THRB: variants seen among roughly 807,000 people sequenced by gnomAD.
THRB encodes the protein thyroid hormone receptor beta, also known as nuclear receptor subfamily 1 group A member 2.
In THRB, 12 loss-of-function variants were observed where a neutral mutation model predicts 47.8. The observed-to-expected ratio is 0.25, with a 90% CI of 0.16 to 0.41. The LOEUF (loss-of-function observed/expected upper bound fraction) is 0.41. THRB is among the 10% of genes least tolerant of loss of function. The pLI is 1.00. For synonymous variants in THRB, 218 were observed against 212.2 expected (o/e 1.03, Z -0.24); for missense variants, 348 against 589.2 (o/e 0.59, Z 4.24).
chr3:24,451,105 T>C (rs763051771), intron 1 of THRB, among the ~76,000 whole-genome samples: 1 of 152,276 alleles, frequency 6.6e-6, no homozygotes, highest in East Asian at 1.9e-4. Flanking sequence ...ATATGAGCTA[T>C]GACAAGTCTA....
chr3:24,193,086 C>G (rs2043544303), intron 4 of THRB, among the ~76,000 whole-genome samples: 1 of 152,172 alleles, frequency 6.6e-6, no homozygotes, highest in Admixed American at 6.5e-5. Flanking sequence ...TTGAATTCTA[C>G]CTACTGGATA....
intron 1 of THRB, among the ~76,000 whole-genome samples, chr3:24,403,783 G>C (rs1367985937): frequency 6.6e-6 from 1 of 152,006 alleles, no homozygotes; most frequent in African/African-American, 2.4e-5. Context: ...TGCTGTTGCA[G>C]ATAGAAGTTT....
chr3:24,152,240 G>C (rs898943933), intron 6 of THRB, 150 bp downstream of exon 6: 6 of 573,268 alleles, frequency 1.0e-5, no homozygotes, highest in African/African-American at 3.7e-5. Context: ...CAAAAATGAA[G>C]AGCACAACCA....
chr3:24,334,349 C>T (rs73150303), intron 2 of THRB, among the ~76,000 whole-genome samples: 7 of 151,996 alleles, frequency 4.6e-5, no homozygotes, highest in African/African-American at 1.7e-4. Flanking sequence ...TTTTATAGGG[C>T]ATTTAAAAAG....
At chr3:24,224,886 A>C (rs2047501980) in intron 4 of THRB, among the ~76,000 whole-genome samples, 1 of 152,190 alleles carries the variant, frequency 6.6e-6, no homozygotes, top group Non-Finnish European at 1.5e-5. Flanking sequence ...TTGCTTAGTT[A>C]ACTTAGCAAA....
rs1248081830 is a variant in THRB, at chr3:24,178,028, TGG to T, written c.283+12044_283+12045del. Among the ~76,000 whole-genome samples, 183 of 152,296 alleles carry T rather than the reference TGG, an allele frequency of 1.2e-3. 6 individuals are homozygous for T. In the South Asian group the frequency reaches 0.036, roughly 30 times the overall value. On this transcript the variant is annotated intron_variant, in intron 5 of 10. Coordinates refer to ENST00000646209, the MANE Select transcript of THRB (RefSeq NM_001354712.2). ...TGTTCCCTAGGTAAGTATCATCCTA[TGG>T]GTCCAACCTTAAAAATGTCACAGGG...
intron 3 of THRB, among the ~76,000 whole-genome samples, chr3:24,260,365 G>A (rs1230801519): frequency 6.6e-6 from 1 of 152,158 alleles, no homozygotes; most frequent in Non-Finnish European, 1.5e-5. Context: ...ACTCTCACCA[G>A]GAGGCAAGTA....
At chr3:24,437,802 T>C (rs1005567133) in intron 1 of THRB, among the ~76,000 whole-genome samples, 1 of 151,908 alleles carries the variant, frequency 6.6e-6, no homozygotes, top group Non-Finnish European at 1.5e-5. Context: ...GCTCAAAAAC[T>C]AAATTTACCC....
chr3:24,422,777 T>C (rs2069390958), intron 1 of THRB, among the ~76,000 whole-genome samples: 2 of 152,000 alleles, frequency 1.3e-5, no homozygotes, highest in East Asian at 2.0e-4. Context: ...AGGGGTGACA[T>C]AGAAAATAAT....
chr3:24,153,599 G>T (rs1307585837), intron 5 of THRB, among the ~76,000 whole-genome samples: 1 of 152,178 alleles, frequency 6.6e-6, no homozygotes, highest in Non-Finnish European at 1.5e-5. Context: ...AAAAGCAGAA[G>T]CCTCCTGTTT....
At chr3:24,250,312 T>G (rs1162887698) in intron 3 of THRB, among the ~76,000 whole-genome samples, 1 of 152,188 alleles carries the variant, frequency 6.6e-6, no homozygotes, top group East Asian at 1.9e-4. Context: ...TGCCTGTTGG[T>G]GCAATGTTTC....
intron 1 of THRB, among the ~76,000 whole-genome samples, chr3:24,414,985 C>T (rs1485002260): frequency 1.3e-5 from 2 of 151,790 alleles, no homozygotes; most frequent in African/African-American, 4.8e-5. Context: ...AAGTTTCCAC[C>T]GGTCTTTCAA....
At chr3:24,279,386 C>CT (rs2054285301) in intron 3 of THRB, among the ~76,000 whole-genome samples, 1 of 151,652 alleles carries the variant, frequency 6.6e-6, no homozygotes, top group African/African-American at 2.4e-5. Context: ...GCAATGAGTT[C>CT]TTTTTTCTTT....
intron 1 of THRB, among the ~76,000 whole-genome samples, chr3:24,371,733 G>A (rs2064930686): frequency 6.6e-6 from 1 of 152,070 alleles, no homozygotes; most frequent in Admixed American, 6.6e-5. Flanking sequence ...TTTGGAAGCT[G>A]GTGCTCAATG....
At chr3:24,241,415 C>G (rs897545919) in intron 3 of THRB, among the ~76,000 whole-genome samples, 1 of 152,198 alleles carries the variant, frequency 6.6e-6, no homozygotes, top group African/African-American at 2.4e-5. Context: ...CTACTGTCCT[C>G]TTAACCCTAC....
intron 1 of THRB, chr3:24,455,483 T>C (rs1353892081): frequency 6.6e-6 from 1 of 152,214 alleles, no homozygotes. Flanking sequence ...TTTCGTTTCT[T>C]AGTGTTTCTG....
At chr3:24,143,322 C>T (rs905489104) in intron 8 of THRB, among the ~76,000 whole-genome samples, 179 bp downstream of exon 8, 1 of 152,144 alleles carries the variant, frequency 6.6e-6, no homozygotes, top group East Asian at 1.9e-4. Context: ...GGCCTTTATT[C>T]TCACACAGAC....
chr3:24,326,820 A>AG (rs1296999815), intron 2 of THRB, among the ~76,000 whole-genome samples: 1 of 126,958 alleles, frequency 7.9e-6, no homozygotes, highest in African/African-American at 3.2e-5. Context: ...GCTAGAGTGC[A>AG]GTGGCGCAAT....
rs146091420 is a variant in THRB at position 24,245,770 on chromosome 3, G to A, written c.-42-16769C>T. 2.8e-3 allele frequency among the ~76,000 whole-genome samples: 430 copies of A among 152,146 alleles called. 10 individuals are homozygous for A. The highest frequency in any genetic ancestry group is 0.026 in the East Asian group (134 of 5,166). On this transcript the variant is annotated intron_variant, in intron 3 of 10. Transcript: ENST00000646209. ...TCTACTAAAAATACAAAAATTAGCC[G>A]GGTGTGGTGGCACGTGCCTGTAATC...
Sources: gnomAD v4.1 joint callset for allele counts (sites outside exome capture counted in the v4.1 genomes callset) on GRCh38, gnomAD v4.1.1 for gene constraint, MANE v1.5 for transcripts, NCBI Gene and HGNC (gene_info 2026-07-23, HGNC 2026-07-21) for gene names.